Variants in CAB39L observed in about 807,000 individuals in gnomAD.
CAB39L encodes calcium-binding protein 39-like.
In CAB39L, 23 loss-of-function variants were observed where a neutral mutation model predicts 39.1. That is an observed-to-expected ratio of 0.59 (90% CI 0.42 to 0.83). The LOEUF (loss-of-function observed/expected upper bound fraction) is 0.83. Ranked by LOEUF, CAB39L falls within the 40% of genes least tolerant of loss-of-function variation. CAB39L has a pLI of 0.00. For missense variants in CAB39L, 366 were observed against 391.9 expected, an observed-to-expected ratio of 0.93 and a Z score of 0.56; for synonymous variants, 126 against 137.2, an observed-to-expected ratio of 0.92 and a Z score of 0.57.
chr13:49,440,715 A>AGTGTGTGTGTGTGTGT (rs56314282), intron 1 of CAB39L, among the ~76,000 whole-genome samples: 193 of 135,530 alleles, frequency 1.4e-3, no homozygotes, highest in Non-Finnish European at 1.8e-3. Context: ...ATTCCTAGGC[A>AGTGTGTGTGTGTGTGT]GTGTGTGTGT....
intron 1 of CAB39L, among the ~76,000 whole-genome samples, chr13:49,441,228 T>TATATATATATATATATATATATATATATA (rs1361567225): frequency 4.8e-5 from 6 of 124,192 alleles, no homozygotes; most frequent in African/African-American, 2.1e-4. Flanking sequence ...AGTGTATATA[T>TATATATATATATATATATATATATATATA]ATATATATAT....
chr13:49,386,443 T>C (rs1213950111), intron 3 of CAB39L, among the ~76,000 whole-genome samples: 1 of 152,050 alleles, frequency 6.6e-6, no homozygotes, highest in African/African-American at 2.4e-5. Context: ...ACAATCCCTG[T>C]TCTTTGAAGC....
In CAB39L at chr13:49,359,758, C is replaced by T; in HGVS notation, c.351G>A (p.Glu117=). 6.2e-7 allele frequency: 1 copy of T among 1,612,658 alleles called. No homozygotes were observed. The highest frequency in any genetic ancestry group is 8.5e-7 in the Non-Finnish European group (1 of 1,178,766). ...GGATATGAGGATGAGCACTAATATA[C>T]TCCACAGTAGGACTCCGAGTGCCTA... The part of the protein sequence containing the change: ...RQIGTRSPTV[E]YISAHPHILF... Residue 117 remains glutamate, a synonymous_variant, in exon 6 of 11, where the codon GAG becomes GAA. Transcript: ENST00000409308.
In CAB39L at chr13:49,405,721, GGA is replaced by G. The variant is rs1407407319; in HGVS notation, c.-31-22782_-31-22781del. 0.012 allele frequency among the ~76,000 whole-genome samples: 1,442 copies of G among 119,910 alleles called. 44 individuals carry two copies. The East Asian group carries it at 0.14, about 11-fold the overall frequency. 78.7% of individuals were successfully genotyped at this position (119,910 alleles called of 152,430 possible). A position where few individuals can be genotyped will look rare whatever the true frequency, so the allele number is the denominator to read the frequency against. The stretch of plus-strand genomic sequence containing the variant: ...AGAAAGAAAGAAAGAAAGAGAGAGA[GGA>G]AGGAAGGAAGGAAGGAAGGAAGGAA... On this transcript the variant is annotated intron_variant, in intron 3 of 10. Transcript: ENST00000409308.
chr13:49,396,695 G>A (rs908571316), intron 3 of CAB39L, among the ~76,000 whole-genome samples: 3 of 151,934 alleles, frequency 2.0e-5, no homozygotes, highest in East Asian at 1.9e-4. Context: ...GTGATATAGC[G>A]AGATTCCATC....
At chr13:49,328,713 C>T (rs1268719165) in intron 10 of CAB39L, among the ~76,000 whole-genome samples, 1 of 152,038 alleles carries the variant, frequency 6.6e-6, no homozygotes, top group Non-Finnish European at 1.5e-5. Context: ...GGCAGGCCTA[C>T]AATCCCAGCT....
rs566807641 is a variant in CAB39L at position 49,319,282 on chromosome 13, A to G, written c.835-8289T>C. The stretch of plus-strand genomic sequence containing the variant: ...AAAATAAAAAAAGAATGACGTGCTG[A>G]TGGATCATGCTACAACATGGATGAA... On this transcript the variant is annotated intron_variant, in intron 10 of 10. Coordinates refer to ENST00000409308, the MANE Select transcript of CAB39L (RefSeq NM_001079670.3). Among the ~76,000 whole-genome samples the G allele has an allele frequency of 4.6e-5, 7 of 152,260 alleles. No homozygotes were observed. The South Asian group carries it at 1.5e-3, about 32-fold the overall frequency.
chr13:49,399,184 C>G (rs544051185), intron 3 of CAB39L, among the ~76,000 whole-genome samples: 37 of 152,158 alleles, frequency 2.4e-4, no homozygotes, highest in African/African-American at 7.9e-4. Context: ...TATCAGGTAC[C>G]TACTATGTGC....
intron 3 of CAB39L, chr13:49,414,169 A>G (rs1341872876): frequency 6.6e-6 from 1 of 152,256 alleles, no homozygotes; most frequent in Non-Finnish European, 1.5e-5. Flanking sequence ...CTCCATTGGG[A>G]TAGAGTCAAA....
intron 7 of CAB39L, among the ~76,000 whole-genome samples, chr13:49,348,945 C>A (rs765971956): frequency 2.6e-5 from 4 of 152,298 alleles, no homozygotes; most frequent in Admixed American, 2.0e-4. Flanking sequence ...GCATTCTTCT[C>A]CCTAAGTCCC....
intron 10 of CAB39L, 34 bp downstream of exon 10, chr13:49,331,913 C>T: frequency 6.2e-7 from 1 of 1,607,268 alleles, no homozygotes; most frequent in Non-Finnish European, 8.5e-7. Flanking sequence ...AAAAAATTGC[C>T]TACAACATTG....
intron 4 of CAB39L, among the ~76,000 whole-genome samples, chr13:49,377,922 A>G (rs1160573654): frequency 9.9e-5 from 7 of 70,480 alleles, no homozygotes; most frequent in South Asian, 1.0e-3. Context: ...GCCTCTTCCC[A>G]GCCGCCATCA....
chr13:49,317,692 T>C (rs1041307311), intron 10 of CAB39L, among the ~76,000 whole-genome samples: 1 of 152,170 alleles, frequency 6.6e-6, no homozygotes, highest in African/African-American at 2.4e-5. Context: ...AGGGTAAATT[T>C]TCATAATGTT....
intron 3 of CAB39L, among the ~76,000 whole-genome samples, chr13:49,406,916 T>C (rs977766560): frequency 5.3e-5 from 8 of 152,190 alleles, no homozygotes; most frequent in Non-Finnish European, 1.2e-4. Context: ...TTCTTTGCCG[T>C]TAACTAATGA....
In CAB39L at chr13:49,350,780, T is replaced by C; in HGVS notation, c.528A>G (p.Thr176=). 6.3e-7 allele frequency: 1 copy of C among 1,586,966 alleles called. No homozygotes were observed. The highest frequency in any genetic ancestry group is 8.6e-7 in the Non-Finnish European group (1 of 1,168,860). The change falls in exon 7 of 11, where the codon ACA becomes ACG. Residue 176 remains threonine (T), a synonymous_variant. Transcript: ENST00000409308. ...CAAAGGCATCTGAAGCAATATCAAA[T>C]GTTGACAACTCCACGTACTTAAAGA... ...RDFFKYVELS[T]FDIASDAFAT...
chr13:49,379,457 C>T (rs1956205994), intron 4 of CAB39L, among the ~76,000 whole-genome samples: 2 of 36,010 alleles, frequency 5.6e-5, no homozygotes, highest in East Asian at 2.9e-4. Context: ...GGATTAAGGG[C>T]GGTGCAAGAT....
chr13:49,366,688 C>T (rs996209555), intron 5 of CAB39L, among the ~76,000 whole-genome samples: 1 of 151,352 alleles, frequency 6.6e-6, no homozygotes, highest in Non-Finnish European at 1.5e-5. Flanking sequence ...AAACCCAACC[C>T]CCCATCAAAG....
chr13:49,402,744 G>A (rs569872644), intron 3 of CAB39L, among the ~76,000 whole-genome samples: 63 of 152,040 alleles, frequency 4.1e-4, no homozygotes, highest in African/African-American at 1.3e-3. Flanking sequence ...TTTTGATCTC[G>A]TTTATTTAAA....
At chr13:49,421,174 G>T (rs146524891) in intron 3 of CAB39L, among the ~76,000 whole-genome samples, 1 of 152,076 alleles carries the variant, frequency 6.6e-6, no homozygotes, top group Non-Finnish European at 1.5e-5. Context: ...GGAACACCAA[G>T]TGCAAAGAAA....
Sources: gnomAD v4.1 joint callset for allele counts (sites outside exome capture counted in the v4.1 genomes callset) on GRCh38, gnomAD v4.1.1 for gene constraint, MANE v1.5 for transcripts, NCBI Gene and HGNC (gene_info 2026-07-23, HGNC 2026-07-21) for gene names.